PDE1C: variants seen among roughly 807,000 people sequenced by gnomAD.
The protein encoded by PDE1C is dual specificity calcium/calmodulin-dependent 3',5'-cyclic nucleotide phosphodiesterase 1C.
In PDE1C, 62 loss-of-function variants were observed where a neutral mutation model predicts 93.1. That is an observed-to-expected ratio of 0.67 (90% CI 0.54 to 0.82). PDE1C has a LOEUF of 0.82. Among genes scored for constraint, PDE1C ranks in the 40% least tolerant of loss-of-function variants. PDE1C has a pLI of 0.00. For missense variants in PDE1C, 742 were observed against 884.6 expected, an observed-to-expected ratio of 0.84 and a Z score of 2.04; for synonymous variants, 325 against 310.1, an observed-to-expected ratio of 1.05 and a Z score of -0.50.
At chr7:32,333,747 A>T (rs1783557870) in intron 1 of PDE1C, among the ~76,000 whole-genome samples, 2 of 152,264 alleles carry the variant, frequency 1.3e-5, no homozygotes, top group South Asian at 4.1e-4. Context: ...CTTACAGCAA[A>T]GTGCCTGGTA....
At chr7:32,402,594 A>G (rs1388787652) in intron 1 of PDE1C, among the ~76,000 whole-genome samples, 1 of 152,180 alleles carries the variant, frequency 6.6e-6, no homozygotes, top group Non-Finnish European at 1.5e-5. Flanking sequence ...CTACTGATTC[A>G]AATGCCAATC....
intron 1 of PDE1C, among the ~76,000 whole-genome samples, chr7:32,282,023 G>A (rs372868258): frequency 2.6e-5 from 4 of 152,136 alleles, no homozygotes; most frequent in Non-Finnish European, 4.4e-5. Context: ...GGTAGGGGAC[G>A]GGGAGAGATA....
At chr7:31,640,412 T>TCCC in the PDE1C span, among the ~76,000 whole-genome samples, 1 of 152,178 alleles carries the variant, frequency 6.6e-6, no homozygotes, top group Non-Finnish European at 1.5e-5. Flanking sequence ...AGCTCCTTCC[T>TCCC]CTCCTCTGTG....
intron 1 of PDE1C, among the ~76,000 whole-genome samples, chr7:32,064,401 A>ATTCT (rs1795141098): frequency 6.6e-6 from 1 of 152,212 alleles, no homozygotes; most frequent in Non-Finnish European, 1.5e-5. Context: ...AGAACTCAGA[A>ATTCT]GACAACAGCT....
chr7:32,180,980 A>C (rs1047285774), intron 2 of PDE1C, among the ~76,000 whole-genome samples: 34 of 152,350 alleles, frequency 2.2e-4, no homozygotes, highest in African/African-American at 7.9e-4. Context: ...GGAAGTAATG[A>C]GGGGAAACCC....
chr7:32,100,502 T>A (rs2128749968), intron 3 of PDE1C, among the ~76,000 whole-genome samples: 1 of 152,348 alleles, frequency 6.6e-6, no homozygotes, highest in East Asian at 1.9e-4. Context: ...GAAAATTACT[T>A]GAATTTTTCA....
upstream of PDE1C, among the ~76,000 whole-genome samples, chr7:32,075,767 T>C (rs531005382): frequency 5.3e-5 from 8 of 152,264 alleles, no homozygotes; most frequent in East Asian, 1.5e-3. Context: ...GGCAGCCCGA[T>C]GTAGTCTGCA....
chr7:32,260,770 GA>G (rs1187064686), intron 1 of PDE1C, among the ~76,000 whole-genome samples: 2 of 149,270 alleles, frequency 1.3e-5, no homozygotes, highest in African/African-American at 5.0e-5. Context: ...TTCCCGAAAA[GA>G]CCCCCTTCTT....
chr7:32,050,370 G>A (rs538148356), intron 2 of PDE1C, among the ~76,000 whole-genome samples: 6 of 152,260 alleles, frequency 3.9e-5, no homozygotes, highest in African/African-American at 1.4e-4. Context: ...AATAAAGATG[G>A]AGGTTGGAAG....
At position 31,960,291 on chromosome 7, in the gene PDE1C, C is replaced by T. The variant is rs558539268; in HGVS notation, c.129-79431G>A. ...CGGGACAACTGACATCCTGTGCCTC[C>T]CTGTGTGTTAGACAGAGAAAGACAC... On this transcript the variant is annotated intron_variant, in intron 2 of 17. Coordinates refer to ENST00000396191, the MANE Select transcript of PDE1C (RefSeq NM_001191057.4). Among the ~76,000 whole-genome samples the T allele has an allele frequency of 2.0e-5, 3 of 152,294 alleles. No individual in the cohort carries two copies. In the East Asian group the frequency reaches 5.8e-4, roughly 29 times the overall value.
At chr7:32,042,667 G>A (rs184911006) in intron 2 of PDE1C, among the ~76,000 whole-genome samples, 8 of 152,260 alleles carry the variant, frequency 5.3e-5, no homozygotes, top group Admixed American at 4.6e-4. Context: ...TAGAAGTATT[G>A]TAAACCAAGG....
intron 1 of PDE1C, among the ~76,000 whole-genome samples, chr7:32,388,457 G>C (rs778943091): frequency 2.6e-5 from 4 of 152,030 alleles, no homozygotes; most frequent in Non-Finnish European, 5.9e-5. Flanking sequence ...GGCTGGATTA[G>C]AGGACCTCCA....
intron 2 of PDE1C, among the ~76,000 whole-genome samples, chr7:32,050,448 GA>G (rs1259296320): frequency 2.6e-5 from 4 of 152,108 alleles, no homozygotes; most frequent in African/African-American, 9.7e-5. Context: ...ATTGTCCAAT[GA>G]AATTTGTGAA....
intron 1 of PDE1C, among the ~76,000 whole-genome samples, chr7:32,391,048 A>T (rs1784739603): frequency 6.6e-6 from 1 of 152,152 alleles, no homozygotes; most frequent in African/African-American, 2.4e-5. Flanking sequence ...CAATAATAAC[A>T]TTAAATATGA....
intron 1 of PDE1C, among the ~76,000 whole-genome samples, chr7:32,244,134 G>GGAAT (rs1460852081): frequency 6.6e-6 from 1 of 152,148 alleles, no homozygotes; most frequent in African/African-American, 2.4e-5. Context: ...CCTGATTTGT[G>GGAAT]GAATGAATGA....
At chr7:32,409,200 A>G (rs1323417031) in intron 1 of PDE1C, among the ~76,000 whole-genome samples, 2 of 152,010 alleles carry the variant, frequency 1.3e-5, no homozygotes, top group Admixed American at 6.6e-5. Flanking sequence ...CTAAAAAAAA[A>G]ATACAAAAAA....
intron 2 of PDE1C, among the ~76,000 whole-genome samples, chr7:31,975,297 T>C (rs745849030): frequency 2.0e-5 from 3 of 152,192 alleles, no homozygotes; most frequent in Non-Finnish European, 4.4e-5. Context: ...CCATTTCTTT[T>C]TGTGTTCCTC....
intron 2 of PDE1C, among the ~76,000 whole-genome samples, chr7:31,938,040 T>C (rs1805322760): frequency 6.6e-6 from 1 of 152,142 alleles, no homozygotes; most frequent in Non-Finnish European, 1.5e-5. Flanking sequence ...TAAACCCACT[T>C]AAGATGAAGA....
intron 17 of PDE1C, among the ~76,000 whole-genome samples, chr7:31,773,300 T>G (rs1014554350): frequency 1.3e-5 from 2 of 152,042 alleles, no homozygotes; most frequent in East Asian, 3.9e-4. Context: ...CCACTTTGGA[T>G]GGCTAAAGAC....
Sources: allele counts gnomAD v4.1 joint callset (sites outside exome capture counted in the v4.1 genomes callset), GRCh38; gene constraint gnomAD v4.1.1; transcripts MANE v1.5; gene names NCBI Gene and HGNC (gene_info 2026-07-23, HGNC 2026-07-21).